The following PLA2R1 variants were observed in gnomAD, a reference collection of about 807,000 sequenced individuals.
The protein encoded by PLA2R1 is secretory phospholipase A2 receptor.
PLA2R1 carries 158 observed loss-of-function variants against 195.9 expected under a neutral mutation model. That is an observed-to-expected ratio of 0.81 (90% CI 0.71 to 0.92). PLA2R1 has a LOEUF of 0.92. Among genes scored for constraint, PLA2R1 ranks in the 40% least tolerant of loss-of-function variants. The pLI is 0.00. For synonymous variants in PLA2R1, 586 were observed against 598.2 expected, an observed-to-expected ratio of 0.98 and a Z score of 0.30; for missense variants, 1,626 against 1,764.6, an observed-to-expected ratio of 0.92 and a Z score of 1.41.
At chr2:159,925,404 TC>T in the PLA2R1 span, among the ~76,000 whole-genome samples, 1 of 152,162 alleles carries the variant, frequency 6.6e-6, no homozygotes, top group Non-Finnish European at 1.5e-5. Flanking sequence ...CATTTTGGGC[TC>T]TTATGTATAA....
At chr2:160,038,254 C>A (rs1350475647) in intron 3 of PLA2R1, among the ~76,000 whole-genome samples, 2 of 152,200 alleles carry the variant, frequency 1.3e-5, no homozygotes, top group Non-Finnish European at 2.9e-5. Flanking sequence ...GGTCTAACTG[C>A]TAAGGAAAAG....
intron 25 of PLA2R1, among the ~76,000 whole-genome samples, chr2:159,947,922 A>G (rs1687487498): frequency 6.6e-6 from 1 of 152,248 alleles, no homozygotes; most frequent in Non-Finnish European, 1.5e-5. Flanking sequence ...TGCTGGTAAA[A>G]GAGATTTCCA....
At chr2:160,034,561 G>A (rs1694057405) in intron 3 of PLA2R1, among the ~76,000 whole-genome samples, 1 of 152,182 alleles carries the variant, frequency 6.6e-6, no homozygotes, top group South Asian at 2.1e-4. Flanking sequence ...CGAGACACTA[G>A]TTCAGCCATA....
intron 6 of PLA2R1, among the ~76,000 whole-genome samples, chr2:160,023,149 G>C (rs1003294011): frequency 4.6e-5 from 7 of 152,144 alleles, no homozygotes; most frequent in Admixed American, 4.6e-4. Context: ...GGCCGATAGA[G>C]ACACCTGTGT....
At position 160,045,218 on chromosome 2, in the gene PLA2R1, G is replaced by A; in HGVS notation, c.110-61C>T. The stretch of plus-strand genomic sequence containing the variant: ...CATATATAATTAACTAGCGTCATGA[G>A]GATCTCAGTGTGCATATCTAAGTGC... On this transcript the variant is annotated intron_variant, in intron 1 of 29. Coordinates refer to ENST00000283243, the MANE Select transcript of PLA2R1 (RefSeq NM_007366.5). The A allele has an allele frequency of 7.6e-6, 10 of 1,314,134 alleles. No individual in the cohort carries two copies. The South Asian group carries it at 1.4e-4, about 18-fold the overall frequency. 81.4% of individuals were successfully genotyped at this position (1,314,134 alleles called of 1,614,324 possible).
intron 11 of PLA2R1, among the ~76,000 whole-genome samples, chr2:159,988,389 C>A: frequency 6.6e-6 from 1 of 150,794 alleles, no homozygotes; most frequent in African/African-American, 2.4e-5. Context: ...CAAAGCAAAC[C>A]AAAAACCAAT....
chr2:160,026,162 A>G (rs1343998577), intron 6 of PLA2R1, among the ~76,000 whole-genome samples: 1 of 152,228 alleles, frequency 6.6e-6, no homozygotes, highest in Non-Finnish European at 1.5e-5. Context: ...ATTTTAAAAA[A>G]TAGTAAAAAA....
At position 159,977,365 on chromosome 2, in the gene PLA2R1, A is replaced by C. The variant is rs368229378; in HGVS notation, c.2320T>G (p.Cys774Gly). ...NTYFGEDARN[C>G]AVYKANKTLL... is the part of the protein sequence containing the mutation. ...GTTTTGTTTGCCTTATAAACAGCAC[A>C]GTTTCTTGCATCTTCTCCAAAATAA... The change falls in exon 15 of 30, where the codon TGT becomes GGT. Residue 774 changes from cysteine to glycine, a missense_variant. Coordinates refer to ENST00000283243, the MANE Select transcript of PLA2R1 (RefSeq NM_007366.5). 3.1e-6 allele frequency: 5 copies of C among 1,612,640 alleles called. No homozygotes were observed. The highest frequency in any genetic ancestry group is 2.2e-5 in the East Asian group (1 of 44,836).
At chr2:160,014,487 A>C (rs1455052300) in intron 9 of PLA2R1, among the ~76,000 whole-genome samples, 1 of 152,168 alleles carries the variant, frequency 6.6e-6, no homozygotes, top group Non-Finnish European at 1.5e-5. Flanking sequence ...CTCTATATTT[A>C]AACTGAGCTA....
Position 160,025,807 on chromosome 2 carries a change from G to A in PLA2R1, c.1099+2411C>T, listed in dbSNP as rs375766909. ...CGGAATAATTACTCTGAATGCAAAT[G>A]GATTAAATTATCTAATCAAAACACA... On this transcript the variant is annotated intron_variant, in intron 6 of 29. Transcript: ENST00000283243. 1.9e-4 allele frequency among the ~76,000 whole-genome samples: 29 copies of A among 152,114 alleles called. 2 individuals carry two copies. In the South Asian group the frequency reaches 5.8e-3, roughly 30 times the overall value.
intron 1 of PLA2R1, among the ~76,000 whole-genome samples, chr2:160,061,072 T>C (rs76825026): frequency 0.016 from 2,366 of 152,324 alleles, 68 homozygotes; most frequent in African/African-American, 0.054. Flanking sequence ...CTCAAAAATG[T>C]AGACATATTC....
chr2:159,951,515 C>T lies in PLA2R1; in HGVS notation c.3365G>A (p.Gly1122Glu). 6.2e-7 allele frequency: 1 copy of T among 1,609,092 alleles called. No individual in the cohort carries two copies. The highest frequency in any genetic ancestry group is 8.5e-7 in the Non-Finnish European group (1 of 1,175,324). ...MYPMPNTLEY[G>E]NRTYKIINAN... The stretch of plus-strand genomic sequence containing the variant: ...ATTAATTATTTTGTAAGTTCTGTTT[C>T]CATATTCTAAGGTATTGGGCATTGG... Residue 1122 changes from glycine (G) to glutamate (E), a missense_variant, in exon 24 of 30, where the codon GGA (glycine) becomes GAA (glutamate). Transcript: ENST00000283243.
At chr2:160,022,910 T>A in intron 6 of PLA2R1, 51 bp from the exon 7 acceptor site, 4 of 1,253,400 alleles carry the variant, frequency 3.2e-6, no homozygotes, top group Non-Finnish European at 4.5e-6. Flanking sequence ...ATTTTAACAT[T>A]ACTTATTACA....
intron 17 of PLA2R1, among the ~76,000 whole-genome samples, chr2:159,971,229 A>G (rs1046838848): frequency 5.9e-5 from 9 of 152,220 alleles, no homozygotes; most frequent in Non-Finnish European, 1.2e-4. Flanking sequence ...CTATGTTAAC[A>G]GAGTGATATA....
rs1173493148 is a variant in PLA2R1, at chr2:159,934,836, C to A, written c.*6942G>T. 3.9e-5 allele frequency: 6 copies of A among 152,136 alleles called. No individual in the cohort carries two copies. The highest frequency in any genetic ancestry group is 1.4e-4 in the African/African-American group (6 of 41,418). The allele number at this position is 152,136 out of a possible 1,614,324, so 9.4% of individuals were successfully genotyped here. ...CAAAGAAACTAATACTGGTACAATA[C>A]TATTAATTAAACCATAGACTTTATT... On this transcript the variant is annotated 3_prime_UTR_variant, in exon 30 of 30. Coordinates refer to ENST00000283243, the MANE Select transcript of PLA2R1 (RefSeq NM_007366.5).
At chr2:159,962,525 C>T (rs1366241096) in intron 20 of PLA2R1, among the ~76,000 whole-genome samples, 3 of 152,202 alleles carry the variant, frequency 2.0e-5, no homozygotes, top group Non-Finnish European at 4.4e-5. Flanking sequence ...CCAGCAATCC[C>T]ATTACTGGGT....
chr2:159,931,155 C>T (rs532893700), downstream of PLA2R1, among the ~76,000 whole-genome samples: 14 of 152,328 alleles, frequency 9.2e-5, no homozygotes, highest in South Asian at 1.9e-3. Flanking sequence ...TTCCCTCATA[C>T]GCTTAGCACC....
intron 23 of PLA2R1, among the ~76,000 whole-genome samples, chr2:159,952,614 C>G (rs1398183416): frequency 6.6e-6 from 1 of 152,126 alleles, no homozygotes; most frequent in Non-Finnish European, 1.5e-5. Flanking sequence ...CCCTAACTGG[C>G]TAAGAGCTCT....
chr2:159,931,711 T>C (rs1324809741), downstream of PLA2R1, among the ~76,000 whole-genome samples: 1 of 152,182 alleles, frequency 6.6e-6, no homozygotes, highest in Non-Finnish European at 1.5e-5. Context: ...AACTTTTTTG[T>C]ATTTTTTTCA....
Sources: gnomAD v4.1 joint callset for allele counts (sites outside exome capture counted in the v4.1 genomes callset) on GRCh38, gnomAD v4.1.1 for gene constraint, MANE v1.5 for transcripts, NCBI Gene and HGNC (gene_info 2026-07-23, HGNC 2026-07-21) for gene names.